The following PARP8 variants were observed in gnomAD, a reference collection of about 807,000 sequenced individuals.
The protein encoded by PARP8 is protein mono-ADP-ribosyltransferase PARP8.
Under a neutral mutation model 124.1 loss-of-function variants are expected in PARP8, and 51 were observed. That is an observed-to-expected ratio of 0.41 (90% CI 0.33 to 0.52). PARP8 has a LOEUF of 0.52. Ranked by LOEUF, PARP8 falls within the 20% of genes least tolerant of loss-of-function variation. The pLI is 0.21. For missense variants in PARP8, 860 were observed against 1,018.9 expected, an observed-to-expected ratio of 0.84 and a Z score of 2.12; for synonymous variants, 391 against 361.5, an observed-to-expected ratio of 1.08 and a Z score of -0.93.
intron 1 of PARP8, chr5:50,667,474 C>T: frequency 1.4e-6 from 1 of 699,878 alleles, no homozygotes; most frequent in Non-Finnish European, 2.6e-6. Context: ...ATTTCCAGCC[C>T]CGCGTAGTGC....
intron 9 of PARP8, among the ~76,000 whole-genome samples, chr5:50,781,157 T>G (rs1174474293): frequency 6.6e-6 from 1 of 152,226 alleles, no homozygotes; most frequent in Non-Finnish European, 1.5e-5. Flanking sequence ...TTTTCCAATC[T>G]GTCTTCTGCT....
chr5:50,755,007 C>T (rs964434395), intron 3 of PARP8, among the ~76,000 whole-genome samples: 1 of 152,136 alleles, frequency 6.6e-6, no homozygotes, highest in African/African-American at 2.4e-5. Flanking sequence ...TGTTCATATC[C>T]TTCGCCCACT....
intron 7 of PARP8, among the ~76,000 whole-genome samples, chr5:50,766,692 G>C (rs1761091011): frequency 6.6e-6 from 1 of 152,102 alleles, no homozygotes; most frequent in Non-Finnish European, 1.5e-5. Flanking sequence ...GTTCTATTGT[G>C]AATAGTCAAC....
intron 2 of PARP8, among the ~76,000 whole-genome samples, chr5:50,714,389 A>G (rs1561280133): frequency 6.6e-6 from 1 of 152,158 alleles, no homozygotes; most frequent in African/African-American, 2.4e-5. Flanking sequence ...TCTATTTTTT[A>G]AACCATTTAT....
At chr5:50,812,072 C>T (rs967739828) in intron 14 of PARP8, among the ~76,000 whole-genome samples, 5 of 152,000 alleles carry the variant, frequency 3.3e-5, no homozygotes, top group Non-Finnish European at 4.4e-5. Flanking sequence ...TCTTTAGAGT[C>T]GCATGATTTA....
rs1740249302 is a variant in PARP8 at position 50,778,182 on chromosome 5, T to A, written c.579+53T>A. ...TGGTGCATTTAAAATACATTTTATT[T>A]TATTTTTGGGGGAAATTTAATTTTC... On this transcript the variant is annotated intron_variant, in intron 8 of 25. Coordinates refer to ENST00000281631, the MANE Select transcript of PARP8 (RefSeq NM_024615.4). The A allele has an allele frequency of 1.5e-6, 2 of 1,315,672 alleles. 1 individual carries two copies. The highest frequency in any genetic ancestry group is 2.7e-5 in the South Asian group (2 of 75,298). 81.5% of individuals were successfully genotyped at this position (1,315,672 alleles called of 1,614,324 possible). A position where few individuals can be genotyped will look rare whatever the true frequency, so the allele number is the denominator to read the frequency against.
chr5:50,737,846 C>G (rs975041879), intron 2 of PARP8, among the ~76,000 whole-genome samples: 9 of 152,178 alleles, frequency 5.9e-5, no homozygotes, highest in African/African-American at 2.2e-4. Flanking sequence ...GTTACATATT[C>G]ATTGGCTTAA....
intron 14 of PARP8, among the ~76,000 whole-genome samples, chr5:50,802,138 T>A (rs1380623750): frequency 6.6e-6 from 1 of 152,212 alleles, no homozygotes; most frequent in Admixed American, 6.5e-5. Flanking sequence ...TTGTATTATG[T>A]CTATTTTGTT....
intron 2 of PARP8, among the ~76,000 whole-genome samples, chr5:50,728,511 C>T (rs1333548087): frequency 6.6e-6 from 1 of 151,882 alleles, no homozygotes; most frequent in Non-Finnish European, 1.5e-5. Flanking sequence ...ATGGTGGGCC[C>T]TTGTTTTCAT....
intron 9 of PARP8, among the ~76,000 whole-genome samples, chr5:50,784,403 A>G (rs1306065225): frequency 6.6e-6 from 1 of 152,126 alleles, no homozygotes; most frequent in Non-Finnish European, 1.5e-5. Context: ...GATAATGTAT[A>G]TTTTCTGGAA....
chr5:50,774,671 A>G (rs1251019294), intron 7 of PARP8, among the ~76,000 whole-genome samples: 71 of 95,308 alleles, frequency 7.4e-4, no homozygotes, highest in South Asian at 1.2e-3. Flanking sequence ...CTTCCCAGAC[A>G]GGGCGGCCGG....
intron 2 of PARP8, among the ~76,000 whole-genome samples, chr5:50,725,150 GTA>G (rs143501846): frequency 1.6e-4 from 23 of 148,242 alleles, no homozygotes; most frequent in African/African-American, 2.7e-4. Flanking sequence ...GTATATGTGT[GTA>G]TATATATATA....
chr5:50,667,127 A>G lies in PARP8; in HGVS notation c.32A>G (p.Gln11Arg), dbSNP rs781021365. The G allele has an allele frequency of 1.9e-5, 31 of 1,596,290 alleles. No homozygotes were observed. The Admixed American group carries it at 3.2e-4, about 16-fold the overall frequency. MGMCSRQERIQKDIDVVIQKS... is the reference protein window; with the variant it reads MGMCSRQERIRKDIDVVIQKS... ...ATGTGTTCAAGGCAAGAGCGAATTC[A>G]GAAGGATATCGACGTCGTGATCCAG... is the stretch of plus-strand genomic sequence containing the variant. Residue 11 changes from glutamine to arginine, a missense_variant, in exon 1 of 26, where the codon CAG (glutamine) becomes CGG (arginine). This residue lies in a region of PARP8 where 517 missense variants were observed against 544.2 expected (regional missense o/e 0.95). Transcript: ENST00000281631.
At chr5:50,667,886 T>C (rs1332008248) in intron 1 of PARP8, 185 bp from the exon 2 acceptor site, 11 of 1,495,434 alleles carry the variant, frequency 7.4e-6, no homozygotes, top group Non-Finnish European at 9.8e-6. Flanking sequence ...GGCCTCCCGC[T>C]GCACCCAGTC....
Position 50,775,777 on chromosome 5 carries a change from A to G in PARP8, c.519-2292A>G, listed in dbSNP as rs1236299144. 1.1e-4 allele frequency among the ~76,000 whole-genome samples: 17 copies of G among 152,196 alleles called. No individual in the cohort carries two copies. The East Asian group carries it at 3.3e-3, about 29-fold the overall frequency. On this transcript the variant is annotated intron_variant, in intron 7 of 25. Coordinates refer to ENST00000281631, the MANE Select transcript of PARP8 (RefSeq NM_024615.4). ...TGCAATTTTACTAAATTTGTTTATT[A>G]GTTTTACAGTTTTTTTGGTGGAGCC...
At chr5:50,755,174 C>T (rs541898851) in intron 3 of PARP8, among the ~76,000 whole-genome samples, 2 of 152,228 alleles carry the variant, frequency 1.3e-5, no homozygotes, top group East Asian at 3.9e-4. Flanking sequence ...TGCAGAAGCT[C>T]TTTAGTTTAA....
At chr5:50,667,424 T>A in intron 1 of PARP8, 1 of 701,892 alleles carries the variant, frequency 1.4e-6, no homozygotes, top group Non-Finnish European at 2.6e-6. Context: ...AGAGCCCGCG[T>A]GGCCGGAGCG....
intron 15 of PARP8, among the ~76,000 whole-genome samples, chr5:50,816,336 T>A (rs1042679713): frequency 6.6e-5 from 10 of 152,182 alleles, no homozygotes; most frequent in Non-Finnish European, 1.5e-4. Flanking sequence ...TACCTTACAC[T>A]GTGTGCAAAA....
intron 14 of PARP8, among the ~76,000 whole-genome samples, chr5:50,798,452 G>A (rs1284339053): frequency 2.7e-5 from 4 of 146,148 alleles, no homozygotes; most frequent in Admixed American, 6.9e-5. Context: ...ACAGAGTCTC[G>A]CTCTGTCACC....
Sources: allele counts gnomAD v4.1 joint callset (sites outside exome capture counted in the v4.1 genomes callset), GRCh38; gene constraint gnomAD v4.1.1; regional missense constraint gnomAD v4.1.1; transcripts MANE v1.5; gene names NCBI Gene and HGNC (gene_info 2026-07-23, HGNC 2026-07-21).